Variants in TSHR observed in about 807,000 individuals in gnomAD.
TSHR encodes the protein thyrotropin receptor.
A neutral mutation model predicts 64.1 loss-of-function variants in TSHR; 51 were observed. The observed-to-expected ratio is 0.80, with a 90% CI of 0.64 to 1.01. The LOEUF is 1.01. TSHR is among the 50% of genes least tolerant of loss of function. TSHR has a pLI of 0.00. For synonymous variants in TSHR, 361 were observed against 361.9 expected, an observed-to-expected ratio of 1.00 and a Z score of 0.03; for missense variants, 877 against 942.8, an observed-to-expected ratio of 0.93 and a Z score of 0.91.
chr14:81,069,542 G>T (rs1886908787), intron 3 of TSHR, among the ~76,000 whole-genome samples: 1 of 152,134 alleles, frequency 6.6e-6, no homozygotes, highest in African/African-American at 2.4e-5. Context: ...TTCCCTTGAG[G>T]TATTTCCTGA....
chr14:81,086,535 CCTAA>C (rs1278625094), intron 3 of TSHR, among the ~76,000 whole-genome samples: 6 of 152,146 alleles, frequency 3.9e-5, no homozygotes, highest in South Asian at 4.1e-4. Context: ...ATTTTAGAGC[CCTAA>C]CTATGTGGAG....
intron 1 of TSHR, among the ~76,000 whole-genome samples, chr14:81,044,580 C>A (rs1885077833): frequency 6.6e-6 from 1 of 151,206 alleles, no homozygotes; most frequent in African/African-American, 2.4e-5. Context: ...CTTGCTTGAA[C>A]CTGGGAGGCG....
chr14:81,124,040 G>C (rs1306190689), intron 8 of TSHR, among the ~76,000 whole-genome samples: 1 of 152,034 alleles, frequency 6.6e-6, no homozygotes, highest in Non-Finnish European at 1.5e-5. Context: ...CTTTAATATA[G>C]CATTTAGCAT....
intron 1 of TSHR, among the ~76,000 whole-genome samples, chr14:80,984,013 A>T (rs763774650): frequency 6.6e-6 from 1 of 152,196 alleles, no homozygotes; most frequent in Non-Finnish European, 1.5e-5. Flanking sequence ...CTAGTTATAG[A>T]AGTAAGGCAT....
intron 1 of TSHR, among the ~76,000 whole-genome samples, chr14:81,035,321 A>C (rs1393238931): frequency 1.3e-5 from 2 of 152,174 alleles, no homozygotes; most frequent in Non-Finnish European, 2.9e-5. Flanking sequence ...CCCACTTAGA[A>C]GTGCCCATGC....
rs1281214557 is a variant in TSHR, at chr14:81,103,705, C to G, written c.615-4670C>G. On this transcript the variant is annotated intron_variant, in intron 7 of 9. Transcript: ENST00000298171. This position sits in a 1 kb window ranked among gnomAD's most constrained non-coding sequence, Gnocchi z 4.1. ...CATCCCTTGCTCAACAGAAGTTGAA[C>G]TGTACTTGGTCACAAGTTAAGTCAC... 7 of 985,352 alleles carry G rather than the reference C, an allele frequency of 7.1e-6. No homozygotes were observed. Among genetic ancestry groups the G allele is most frequent in the Non-Finnish European group, 8.4e-6 (7 of 829,950 alleles). The allele number at this position is 985,352 out of a possible 1,614,324, so 61.0% of individuals were successfully genotyped here. A position where few individuals can be genotyped will look rare whatever the true frequency, so the allele number is the denominator to read the frequency against.
chr14:80,981,730 C>T (rs904431871), intron 1 of TSHR, among the ~76,000 whole-genome samples: 6 of 152,084 alleles, frequency 3.9e-5, no homozygotes, highest in Admixed American at 6.5e-5. Flanking sequence ...TTTGGATTGT[C>T]GGACGACCAT....
intron 1 of TSHR, among the ~76,000 whole-genome samples, chr14:80,971,300 TATG>T (rs990590956): frequency 2.0e-5 from 3 of 152,182 alleles, no homozygotes; most frequent in African/African-American, 7.2e-5. Flanking sequence ...AGCAGACCAG[TATG>T]ATGATGTGCG....
At chr14:80,983,493 A>G (rs1013549481) in intron 1 of TSHR, 7 of 1,354,008 alleles carry the variant, frequency 5.2e-6, no homozygotes, top group Admixed American at 3.5e-5. Context: ...TAAAGAGGCA[A>G]AAGCCAGTCT....
intron 8 of TSHR, among the ~76,000 whole-genome samples, chr14:81,134,137 T>C (rs1333649036): frequency 6.6e-6 from 1 of 152,136 alleles, no homozygotes; most frequent in Non-Finnish European, 1.5e-5. Context: ...TTTTATTCTT[T>C]TTTATTTTTT....
At chr14:80,958,273 T>G (rs1298532491) in intron 1 of TSHR, 2 of 152,210 alleles carry the variant, frequency 1.3e-5, no homozygotes, top group Non-Finnish European at 2.9e-5. Flanking sequence ...ATGCTCATTT[T>G]ATAGATGAGG....
chr14:81,087,897 T>C (rs1421757494), intron 3 of TSHR, 57 bp from the exon 4 acceptor site: 2 of 1,287,138 alleles, frequency 1.6e-6, no homozygotes, highest in South Asian at 1.2e-5. Context: ...TGTTTTGTCT[T>C]TGATAAGAAC....
chr14:81,132,597 G>A (rs776686963), intron 8 of TSHR, among the ~76,000 whole-genome samples: 4 of 151,986 alleles, frequency 2.6e-5, no homozygotes, highest in Non-Finnish European at 5.9e-5. Flanking sequence ...TTATTCCCAC[G>A]ACCTAGGCAA....
intron 1 of TSHR, among the ~76,000 whole-genome samples, chr14:80,995,938 A>G (rs1213418247): frequency 1.3e-5 from 2 of 152,070 alleles, no homozygotes; most frequent in African/African-American, 4.8e-5. Context: ...GTCAAAAGTT[A>G]TGTGCAAATT....
chr14:81,098,084 C>A (rs1030508526), intron 7 of TSHR, among the ~76,000 whole-genome samples: 9 of 152,148 alleles, frequency 5.9e-5, no homozygotes, highest in Non-Finnish European at 1.2e-4. Flanking sequence ...TAGACACTTG[C>A]AATGTACCAG....
intron 1 of TSHR, among the ~76,000 whole-genome samples, chr14:81,008,772 A>G (rs1265340115): frequency 6.6e-6 from 1 of 152,308 alleles, no homozygotes; most frequent in African/African-American, 2.4e-5. Context: ...AAAGTTTCCA[A>G]TTACTGTAAG....
intron 1 of TSHR, among the ~76,000 whole-genome samples, chr14:80,989,265 C>A (rs1190919340): frequency 6.6e-6 from 1 of 152,174 alleles, no homozygotes; most frequent in African/African-American, 2.4e-5. Context: ...CTGCCCACTG[C>A]TCATAAGCCC....
rs1476238787 is a variant in TSHR, at chr14:81,006,113, A to C, written c.170+50263A>C. ...TCTTTGGGCTTCATGCCTTTAAAAT[A>C]AACTTTCTGTTTTAGAACAGTTTTA... On this transcript the variant is annotated intron_variant, in intron 1 of 9. Transcript: ENST00000298171. Among the ~76,000 whole-genome samples the C allele has an allele frequency of 3.9e-5, 6 of 152,274 alleles. No individual in the cohort carries two copies. The South Asian group carries it at 1.2e-3, about 32-fold the overall frequency.
Position 81,143,036 on chromosome 14 carries a change from T to C in TSHR, c.978T>C (p.Tyr326=). 6.2e-7 allele frequency: 1 copy of C among 1,614,190 alleles called. No homozygotes were observed. Among genetic ancestry groups the C allele is most frequent in the Non-Finnish European group, 8.5e-7 (1 of 1,180,038 alleles). The change falls in exon 10 of 10, where the codon TAT becomes TAC. Residue 326 remains tyrosine, a synonymous_variant. Coordinates refer to ENST00000298171, the MANE Select transcript of TSHR (RefSeq NM_000369.5). The part of the protein sequence containing the change: ...NALNSPLHQE[Y]EENLGDSIVG... Reference sequence around the variant, plus strand: ...TGAATAGCCCCCTCCACCAGGAATATGAAGAGAATCTGGGTGACAGCATTG... The same window carrying C: ...TGAATAGCCCCCTCCACCAGGAATACGAAGAGAATCTGGGTGACAGCATTG...
Sources: gnomAD v4.1 joint callset for allele counts (sites outside exome capture counted in the v4.1 genomes callset) on GRCh38, gnomAD v4.1.1 for gene constraint, Gnocchi (gnomAD v3.1) non-coding constraint, MANE v1.5 for transcripts, NCBI Gene and HGNC (gene_info 2026-07-23, HGNC 2026-07-21) for gene names.